The following UGT2B10 variants were observed in gnomAD, a reference collection of about 807,000 sequenced individuals.
UGT2B10 encodes the protein UDP glucuronosyltransferase family 2 member B10, also known as UDP-glucuronosyltransferase 2B10.
In UGT2B10, 51 loss-of-function variants were observed where a neutral mutation model predicts 43.7. The ratio of observed to expected loss-of-function variants is 1.17; its 90% CI spans 0.93 to 1.47. The LOEUF (loss-of-function observed/expected upper bound fraction) is 1.47, where lower values mean the gene tolerates loss of function less well. UGT2B10 is among the 40% of genes most tolerant of loss of function. UGT2B10 has a pLI of 0.00. For synonymous variants in UGT2B10, 225 were observed against 209.0 expected (o/e 1.08, Z -0.66); for missense variants, 696 against 617.7 (o/e 1.13, Z -1.34).
rs916420052 is a variant in UGT2B10, at chr4:68,817,055, G to T, written c.718+318G>T. On this transcript the variant is annotated intron_variant, in intron 1 of 5. Coordinates refer to ENST00000265403, the MANE Select transcript of UGT2B10 (RefSeq NM_001075.6). Reference sequence around the variant, plus strand: ...TCAGATCTTAAAAACAGCAAGATCCGTCAAGTAACATCTAACCGAATGCAT... The same window carrying T: ...TCAGATCTTAAAAACAGCAAGATCCTTCAAGTAACATCTAACCGAATGCAT... Among the ~76,000 whole-genome samples, 26 of 151,838 alleles carry T rather than the reference G, an allele frequency of 1.7e-4. 1 individual carries two copies. Among genetic ancestry groups the T allele is most frequent in the Admixed American group, 1.7e-3 (26 of 15,188 alleles).
At chr4:68,829,218 A>T (rs1242121917) in intron 5 of UGT2B10, among the ~76,000 whole-genome samples, 1 of 152,046 alleles carries the variant, frequency 6.6e-6, no homozygotes, top group Non-Finnish European at 1.5e-5. Context: ...ACACTAAAAA[A>T]AATAAACACT....
At chr4:68,818,341 C>CGTAT (rs1476552803) in intron 2 of UGT2B10, among the ~76,000 whole-genome samples, 164 bp downstream of exon 2, 3 of 151,684 alleles carry the variant, frequency 2.0e-5, no homozygotes, top group Non-Finnish European at 4.4e-5. Flanking sequence ...TACCATCACA[C>CGTAT]GTATGTGAGT....
At chr4:68,824,662 T>C (rs1737679205) in intron 3 of UGT2B10, among the ~76,000 whole-genome samples, 1 of 152,174 alleles carries the variant, frequency 6.6e-6, no homozygotes, top group Non-Finnish European at 1.5e-5. Flanking sequence ...CAAATAAAAT[T>C]AAACACTGTA....
intron 3 of UGT2B10, among the ~76,000 whole-genome samples, chr4:68,824,939 A>G (rs1560418434): frequency 6.6e-6 from 1 of 152,136 alleles, no homozygotes; most frequent in Non-Finnish European, 1.5e-5. Context: ...AATACTCTGA[A>G]TTTGTGTCAA....
In UGT2B10 at chr4:68,829,221, T is replaced by C. The variant is rs182472132; in HGVS notation, c.1308-1379T>C. Among the ~76,000 whole-genome samples, 974 of 151,972 alleles carry C rather than the reference T, an allele frequency of 6.4e-3. 16 individuals are homozygous for C. Among genetic ancestry groups the C allele is most frequent in the African/African-American group, 0.022 (928 of 41,510 alleles). On this transcript the variant is annotated intron_variant, in intron 5 of 5. Transcript: ENST00000265403. ...CCAAGAACGGTTACACTAAAAAAAA[T>C]AAACACTAAGGAGTACATATTATAT...
chr4:68,826,895 T>C (rs997013110), intron 4 of UGT2B10, among the ~76,000 whole-genome samples: 2 of 152,112 alleles, frequency 1.3e-5, no homozygotes, highest in African/African-American at 4.8e-5. Flanking sequence ...ACTAAATTCC[T>C]AATCTTAAAG....
At chr4:68,829,374 C>A (rs958426080) in intron 5 of UGT2B10, among the ~76,000 whole-genome samples, 1 of 152,004 alleles carries the variant, frequency 6.6e-6, no homozygotes, top group African/African-American at 2.4e-5. Context: ...TTGTGATATC[C>A]TGTACCATGA....
intron 3 of UGT2B10, among the ~76,000 whole-genome samples, chr4:68,823,528 T>C (rs1301232627): frequency 1.3e-5 from 2 of 152,026 alleles, no homozygotes; most frequent in Admixed American, 1.3e-4. Context: ...ACTAGTAAAC[T>C]AGAGACTCTA....
At chr4:68,830,130 C>A (rs886474239) in intron 5 of UGT2B10, among the ~76,000 whole-genome samples, 1 of 152,006 alleles carries the variant, frequency 6.6e-6, no homozygotes, top group Non-Finnish European at 1.5e-5. Context: ...TGATGTTGAG[C>A]ACGTTCTAAT....
rs1737554542 is a variant in UGT2B10, at chr4:68,822,396, A to G, written c.993A>G (p.Pro331=). Residue 331 remains proline, a synonymous_variant, in exon 3 of 6, where the codon CCA becomes CCG. Transcript: ENST00000265403. ...NVIATALAKI[P]QKVLWRFDGN... is the part of the protein sequence containing the mutation. The stretch of plus-strand genomic sequence containing the variant: ...TTGCAACAGCCCTTGCCAAGATCCC[A>G]CAAAAGGTAAGATAAAGTGCCTTAC... 6.2e-7 allele frequency: 1 copy of G among 1,613,488 alleles called. No homozygotes were observed. Among genetic ancestry groups the G allele is most frequent in the African/African-American group, 1.3e-5 (1 of 74,896 alleles).
chr4:68,826,039 G>C (rs1329164344), intron 3 of UGT2B10, among the ~76,000 whole-genome samples: 1 of 151,988 alleles, frequency 6.6e-6, no homozygotes, highest in Non-Finnish European at 1.5e-5. Context: ...ATTCTGACTG[G>C]TGTGCGATGT....
intron 3 of UGT2B10, among the ~76,000 whole-genome samples, chr4:68,824,102 T>C (rs1432778486): frequency 6.6e-6 from 1 of 152,306 alleles, no homozygotes; most frequent in East Asian, 1.9e-4. Flanking sequence ...GCAGTTTAGG[T>C]TTGCCATATT....
Position 68,817,886 on chromosome 4 carries a change from C to T in UGT2B10, c.719-143C>T, listed in dbSNP as rs1363705951. The T allele has an allele frequency of 6.4e-6, 6 of 939,412 alleles. No individual in the cohort carries two copies. In the African/African-American group the frequency reaches 7.0e-5, roughly 11 times the overall value. 58.2% of individuals were successfully genotyped at this position (939,412 alleles called of 1,614,324 possible). On this transcript the variant is annotated intron_variant, in intron 1 of 5. Coordinates refer to ENST00000265403, the MANE Select transcript of UGT2B10 (RefSeq NM_001075.6). ...AGAATACATAAAAAATAAATTATTC[C>T]TATATATGAATATATGTACATATTT...
chr4:68,824,197 A>G (rs1737654028), intron 3 of UGT2B10, among the ~76,000 whole-genome samples: 1 of 152,242 alleles, frequency 6.6e-6, no homozygotes. Flanking sequence ...AGAGTGGCCT[A>G]GGCCAACAGA....
chr4:68,824,768 G>A (rs1041638374), intron 3 of UGT2B10, among the ~76,000 whole-genome samples: 29 of 152,058 alleles, frequency 1.9e-4, no homozygotes, highest in Non-Finnish European at 5.9e-5. Flanking sequence ...AATCACTGTT[G>A]TCAAAGCTTT....
chr4:68,827,552 A>T lies in UGT2B10; in HGVS notation c.1307+4A>T, dbSNP rs1175356670. The T allele has an allele frequency of 1.2e-6, 2 of 1,613,004 alleles. No individual in the cohort carries two copies. The highest frequency in any genetic ancestry group is 1.7e-6 in the Non-Finnish European group (2 of 1,179,314). On this transcript the variant is annotated splice_donor_region_variant and intron_variant, in intron 5 of 5. Coordinates refer to ENST00000265403, the MANE Select transcript of UGT2B10 (RefSeq NM_001075.6). ...AGACAGTAATTAATGATCCTTCGTG[A>T]GTAGAACAATATTTTTCACTAGATG...
chr4:68,817,885 C>A, intron 1 of UGT2B10, 144 bp from the exon 2 acceptor site: 3 of 928,632 alleles, frequency 3.2e-6, no homozygotes, highest in Non-Finnish European at 4.5e-6. Context: ...ATAAATTATT[C>A]CTATATATGA....
intron 3 of UGT2B10, among the ~76,000 whole-genome samples, chr4:68,825,249 C>CTT (rs5859147): frequency 0.11 from 16,489 of 151,576 alleles, 1,160 homozygotes; most frequent in East Asian, 0.31. Context: ...TAAATTGTTA[C>CTT]TTTTTTTATA....
Position 68,818,080 on chromosome 4 carries a change from T to A in UGT2B10, c.770T>A (p.Met257Lys), listed in dbSNP as rs1301612414. The part of the protein sequence containing the change: ...ETMRKADIWL[M>K]RNSWNFKFPH... Reference sequence around the variant, plus strand: ...ATGAGGAAAGCTGACATATGGCTTATGCGAAACTCCTGGAATTTTAAATTT... The same window carrying A: ...ATGAGGAAAGCTGACATATGGCTTAAGCGAAACTCCTGGAATTTTAAATTT... The change falls in exon 2 of 6, where the codon ATG becomes AAG. Residue 257 changes from methionine to lysine, a missense_variant. Transcript: ENST00000265403. 1.2e-6 allele frequency: 2 copies of A among 1,611,844 alleles called. No individual in the cohort carries two copies. Among genetic ancestry groups the A allele is most frequent in the Non-Finnish European group, 1.7e-6 (2 of 1,178,584 alleles).
Sources: allele counts gnomAD v4.1 joint callset (sites outside exome capture counted in the v4.1 genomes callset), GRCh38; gene constraint gnomAD v4.1.1; transcripts MANE v1.5; gene names NCBI Gene and HGNC (gene_info 2026-07-23, HGNC 2026-07-21).